The following SLC22A23 variants were observed in gnomAD, a reference collection of about 807,000 sequenced individuals.
SLC22A23 encodes the protein ion transporter protein.
SLC22A23 carries 26 observed loss-of-function variants against 61.0 expected under a neutral mutation model. The ratio of observed to expected loss-of-function variants is 0.43; its 90% confidence interval spans 0.31 to 0.59. The LOEUF is 0.59. SLC22A23 is among the 20% of genes least tolerant of loss of function. The probability of loss-of-function intolerance (pLI) is 0.11; values close to 1 mark genes in which losing one functional copy is unlikely to be tolerated. For missense variants in SLC22A23, 796 were observed against 934.7 expected (o/e 0.85, Z 1.94); for synonymous variants, 430 against 413.9 (o/e 1.04, Z -0.47).
chr6:3,333,714 C>T lies in SLC22A23; in HGVS notation c.914-9712G>A, dbSNP rs56215807. ...GACCACACAGAGGAGAGTGCCTCCC[C>T]GACAGTGGTTTGCAAGTGTGGCCCC... On this transcript the variant is annotated intron_variant, in intron 3 of 9. Coordinates refer to ENST00000406686, the MANE Select transcript of SLC22A23 (RefSeq NM_015482.2). The surrounding 1 kb of genome is among the most constrained non-coding windows in gnomAD (Gnocchi z 4.1). Among the ~76,000 whole-genome samples the T allele has an allele frequency of 2.0e-5, 3 of 152,186 alleles. No individual in the cohort carries two copies. Among genetic ancestry groups the T allele is most frequent in the Non-Finnish European group, 2.9e-5 (2 of 68,016 alleles).
intron 1 of SLC22A23, among the ~76,000 whole-genome samples, chr6:3,448,315 G>C (rs935628812): frequency 3.9e-5 from 6 of 152,132 alleles, no homozygotes. Context: ...AATTCCTATG[G>C]TGTAAATGCT....
At chr6:3,357,011 A>G (rs1765145707) in intron 3 of SLC22A23, among the ~76,000 whole-genome samples, 1 of 143,120 alleles carries the variant, frequency 7.0e-6, no homozygotes, top group Non-Finnish European at 1.5e-5. Flanking sequence ...ATTTTAAAGC[A>G]GTAAACCTAG....
At chr6:3,346,697 A>C (rs1764458551) in intron 3 of SLC22A23, among the ~76,000 whole-genome samples, 1 of 152,100 alleles carries the variant, frequency 6.6e-6, no homozygotes, top group Admixed American at 6.6e-5. Context: ...TTGGGAGTCC[A>C]TGGGAGCTGT....
intron 1 of SLC22A23, among the ~76,000 whole-genome samples, chr6:3,440,652 A>G (rs950384981): frequency 4.6e-5 from 7 of 150,656 alleles, no homozygotes; most frequent in African/African-American, 1.7e-4. Flanking sequence ...GGTTGCAGTG[A>G]GCTGAGATCA....
Position 3,330,086 on chromosome 6 carries a change from C to T in SLC22A23, c.914-6084G>A, listed in dbSNP as rs1763504397. On this transcript the variant is annotated intron_variant, in intron 3 of 9. Coordinates refer to ENST00000406686, the MANE Select transcript of SLC22A23 (RefSeq NM_015482.2). This position sits in a 1 kb window ranked among gnomAD's most constrained non-coding sequence, Gnocchi z 4.7. ...TTGGGGATCCCACCGCCCTGCCCAGCCCCAGAACACACAGGATTCAAAGAG... is the reference window on the plus strand; with the variant it reads ...TTGGGGATCCCACCGCCCTGCCCAGTCCCAGAACACACAGGATTCAAAGAG... Among the ~76,000 whole-genome samples the T allele has an allele frequency of 6.6e-6, 1 of 152,192 alleles. No individual in the cohort carries two copies. Among genetic ancestry groups the T allele is most frequent in the Non-Finnish European group, 1.5e-5 (1 of 68,018 alleles).
rs544486755 is a variant in SLC22A23, at chr6:3,440,231, C to T, written c.654+15675G>A. 2.0e-5 allele frequency among the ~76,000 whole-genome samples: 3 copies of T among 152,272 alleles called. No individual in the cohort carries two copies. The East Asian group carries it at 5.8e-4, about 29-fold the overall frequency. Reference sequence around the variant, plus strand: ...AGATCAGAGCTGCCCTGCTCAGGGTCCATGCTGGAGCTCTGCTGTCATGAG... The same window carrying T: ...AGATCAGAGCTGCCCTGCTCAGGGTTCATGCTGGAGCTCTGCTGTCATGAG... On this transcript the variant is annotated intron_variant, in intron 1 of 9. Coordinates refer to ENST00000406686, the MANE Select transcript of SLC22A23 (RefSeq NM_015482.2).
intron 7 of SLC22A23, among the ~76,000 whole-genome samples, chr6:3,285,412 T>C (rs1462298212): frequency 6.6e-6 from 1 of 152,236 alleles, no homozygotes; most frequent in African/African-American, 2.4e-5. Context: ...TCCTTGCATG[T>C]AAAGTCACCC....
In SLC22A23 at chr6:3,342,743, ACCTTTT is replaced by A. The variant is rs1323217744; in HGVS notation, c.914-18747_914-18742del. On this transcript the variant is annotated intron_variant, in intron 3 of 9. Coordinates refer to ENST00000406686, the MANE Select transcript of SLC22A23 (RefSeq NM_015482.2). This position sits in a 1 kb window ranked among gnomAD's most constrained non-coding sequence, Gnocchi z 4.0. ...CTTCACATTAGTGCTGGGGATGAAA[ACCTTTT>A]CCTCCACCCTCCTAGGGTCAGTGCT... 1.3e-5 allele frequency among the ~76,000 whole-genome samples: 2 copies of A among 152,092 alleles called. No individual in the cohort carries two copies. The highest frequency in any genetic ancestry group is 4.8e-5 in the African/African-American group (2 of 41,386).
chr6:3,330,076 C>A lies in SLC22A23; in HGVS notation c.914-6074G>T, dbSNP rs141193236. On this transcript the variant is annotated intron_variant, in intron 3 of 9. Transcript: ENST00000406686. This position sits in a 1 kb window ranked among gnomAD's most constrained non-coding sequence, Gnocchi z 4.7. ...ACACCGGGGCTTGGGGATCCCACCG[C>A]CCTGCCCAGCCCCAGAACACACAGG... 6.6e-6 allele frequency among the ~76,000 whole-genome samples: 1 copy of A among 152,338 alleles called. No homozygotes were observed. Among genetic ancestry groups the A allele is most frequent in the African/African-American group, 2.4e-5 (1 of 41,578 alleles).
At chr6:3,284,124 ACCT>A in intron 8 of SLC22A23, 149 bp from the exon 9 acceptor site, 1 of 717,482 alleles carries the variant, frequency 1.4e-6, no homozygotes, top group South Asian at 2.0e-5. Context: ...ACCAAGCAGC[ACCT>A]CAAGGACTAG....
chr6:3,293,507 G>A (rs758407141), intron 5 of SLC22A23, among the ~76,000 whole-genome samples: 21 of 150,418 alleles, frequency 1.4e-4, no homozygotes, highest in Non-Finnish European at 2.8e-4. Flanking sequence ...GTCTTATCAC[G>A]AAGTCACCTC....
intron 1 of SLC22A23, among the ~76,000 whole-genome samples, chr6:3,428,348 T>C (rs780048229): frequency 2.6e-5 from 4 of 152,188 alleles, no homozygotes; most frequent in Non-Finnish European, 4.4e-5. Context: ...TGAGGGGACA[T>C]CCTTCTGTTA....
At chr6:3,375,297 T>C (rs1766491328) in intron 3 of SLC22A23, among the ~76,000 whole-genome samples, 1 of 152,242 alleles carries the variant, frequency 6.6e-6, no homozygotes. Flanking sequence ...AACCACCTCC[T>C]GTCAAATTAT....
chr6:3,279,599 CTTTG>C (rs1759245270), intron 9 of SLC22A23, among the ~76,000 whole-genome samples: 2 of 140,104 alleles, frequency 1.4e-5, no homozygotes, highest in South Asian at 2.5e-4. Context: ...CCATTTTTGG[CTTTG>C]TTTTTTTTTC....
chr6:3,271,605 G>A lies in SLC22A23; in HGVS notation c.*1450C>T, dbSNP rs1561850482. 2.6e-5 allele frequency: 4 copies of A among 152,352 alleles called. No individual in the cohort carries two copies. The South Asian group carries it at 6.2e-4, about 24-fold the overall frequency. 9.4% of individuals were successfully genotyped at this position (152,352 alleles called of 1,614,324 possible). On this transcript the variant is annotated 3_prime_UTR_variant, in exon 10 of 10. Coordinates refer to ENST00000406686, the MANE Select transcript of SLC22A23 (RefSeq NM_015482.2). ...ACAGCCCATGGCAAAGACATGCTTC[G>A]AGAAGGGATGAGTTGGACAATGCCA... is the stretch of plus-strand genomic sequence containing the variant.
intron 1 of SLC22A23, among the ~76,000 whole-genome samples, chr6:3,426,098 T>C (rs966318769): frequency 1.3e-5 from 2 of 152,238 alleles, no homozygotes; most frequent in African/African-American, 4.8e-5. Flanking sequence ...TAGCAGATAT[T>C]TGATACATGA....
intron 3 of SLC22A23, among the ~76,000 whole-genome samples, chr6:3,378,954 T>C (rs1364490394): frequency 6.6e-6 from 1 of 152,160 alleles, no homozygotes; most frequent in Non-Finnish European, 1.5e-5. Flanking sequence ...CCACCGCGCC[T>C]GGCCTCAGTG....
intron 1 of SLC22A23, among the ~76,000 whole-genome samples, chr6:3,446,545 G>A (rs1401289222): frequency 3.3e-5 from 5 of 152,134 alleles, no homozygotes; most frequent in East Asian, 1.9e-4. Context: ...GGCAGAACAC[G>A]CCAAAGGCCC....
chr6:3,367,390 T>C (rs1190348015), intron 3 of SLC22A23, among the ~76,000 whole-genome samples: 2 of 152,258 alleles, frequency 1.3e-5, no homozygotes, highest in African/African-American at 4.8e-5. Context: ...GAAATGTCTA[T>C]TCCAATATGC....
Sources: allele counts gnomAD v4.1 joint callset (sites outside exome capture counted in the v4.1 genomes callset), GRCh38; gene constraint gnomAD v4.1.1; non-coding constraint Gnocchi (gnomAD v3.1); transcripts MANE v1.5; gene names NCBI Gene and HGNC (gene_info 2026-07-23, HGNC 2026-07-21).